ORMDL1: variants seen among roughly 807,000 people sequenced by gnomAD.
ORMDL1 encodes ORMDL sphingolipid biosynthesis regulator 1, also known as ORM1-like protein 1.
Under a neutral mutation model 13.0 loss-of-function variants are expected in ORMDL1, and 10 were observed. The ratio of observed to expected loss-of-function variants is 0.77; its 90% CI spans 0.47 to 1.30. The LOEUF is 1.30. Ranked by LOEUF, ORMDL1 falls within the 50% of genes most tolerant of loss-of-function variation. The pLI is 0.00. For synonymous variants in ORMDL1, 61 were observed against 63.9 expected (o/e 0.95, Z 0.22); for missense variants, 171 against 186.7 (o/e 0.92, Z 0.49).
At chr2:189,763,973 A>C in the ORMDL1 span, 1 of 152,238 alleles carries the variant, frequency 6.6e-6, no homozygotes, top group African/African-American at 2.4e-5. Context: ...AATTTCTTTC[A>C]AAATCCCATG....
At chr2:189,782,697 T>C in intron 2 of ORMDL1, 95 bp from the exon 3 acceptor site, 2 of 1,182,846 alleles carry the variant, frequency 1.7e-6, no homozygotes, top group Non-Finnish European at 2.4e-6. Flanking sequence ...GCGAGGATTA[T>C]TTTTTCCTAG....
chr2:189,780,957 A>T (rs1262468224), intron 3 of ORMDL1, among the ~76,000 whole-genome samples: 10 of 152,234 alleles, frequency 6.6e-5, no homozygotes, highest in Admixed American at 6.5e-4. Flanking sequence ...ACTGTCACCC[A>T]GGCTGGAGTG....
downstream of ORMDL1, among the ~76,000 whole-genome samples, chr2:189,768,337 A>G (rs1221206213): frequency 1.3e-5 from 2 of 152,196 alleles, no homozygotes; most frequent in Non-Finnish European, 2.9e-5. Flanking sequence ...ATCCTGTTAG[A>G]AAGACTATTA....
intron 3 of ORMDL1, among the ~76,000 whole-genome samples, chr2:189,777,191 TC>T (rs1251862454): frequency 1.3e-5 from 2 of 152,254 alleles, no homozygotes; most frequent in South Asian, 2.1e-4. Flanking sequence ...ATGTTTGTTT[TC>T]CCATTAGCCT....
chr2:189,776,568 C>T (rs572361513), intron 3 of ORMDL1, among the ~76,000 whole-genome samples: 31 of 152,108 alleles, frequency 2.0e-4, no homozygotes, highest in African/African-American at 6.3e-4. Context: ...TCCTTCTAGA[C>T]GCCACAATGT....
chr2:189,781,661 C>T (rs2047837106), intron 3 of ORMDL1, among the ~76,000 whole-genome samples: 1 of 151,162 alleles, frequency 6.6e-6, no homozygotes. Context: ...TTTCTAGATT[C>T]TATACAATGA....
downstream of ORMDL1, among the ~76,000 whole-genome samples, chr2:189,766,242 TGAAC>T (rs748428801): frequency 2.6e-5 from 4 of 152,246 alleles, no homozygotes; most frequent in Non-Finnish European, 4.4e-5. Context: ...TTTTGTTTGC[TGAAC>T]CATTATGCTT....
rs920204821 is a variant in ORMDL1, at chr2:189,770,571, C to T, written c.*1196G>A. The stretch of plus-strand genomic sequence containing the variant: ...GTTACTGAATTTTTAAATTTTGTCC[C>T]ATATCTGAACTTTGTTTTTTTTGAC... On this transcript the variant is annotated 3_prime_UTR_variant, in exon 5 of 5. Coordinates refer to ENST00000392349, the MANE Select transcript of ORMDL1 (RefSeq NM_016467.5). 1.3e-5 allele frequency: 2 copies of T among 152,110 alleles called. No individual in the cohort carries two copies. Among genetic ancestry groups the T allele is most frequent in the African/African-American group, 4.8e-5 (2 of 41,426 alleles). 9.4% of individuals were successfully genotyped at this position (152,110 alleles called of 1,614,324 possible). A position where few individuals can be genotyped will look rare whatever the true frequency, so the allele number is the denominator to read the frequency against.
intron 4 of ORMDL1, among the ~76,000 whole-genome samples, chr2:189,774,516 G>A (rs1025424702): frequency 2.6e-5 from 4 of 152,076 alleles, no homozygotes; most frequent in Admixed American, 6.6e-5. Context: ...ACACCTCCAA[G>A]AAGTCTTTTG....
chr2:189,764,555 T>C, the ORMDL1 span: 3 of 152,216 alleles, frequency 2.0e-5, no homozygotes, highest in Non-Finnish European at 2.9e-5. Context: ...AGCAAAGATA[T>C]ACATTTTTTA....
chr2:189,777,265 TAGAA>T (rs2047720006), intron 3 of ORMDL1, among the ~76,000 whole-genome samples: 1 of 152,192 alleles, frequency 6.6e-6, no homozygotes, highest in South Asian at 2.1e-4. Context: ...CTTCCAACAT[TAGAA>T]ATGTTGGAAG....
At chr2:189,774,342 TATATGGGACTAAATCAATTCAAAATTTCC>T (rs1407473216) in intron 4 of ORMDL1, among the ~76,000 whole-genome samples, 1 of 152,180 alleles carries the variant, frequency 6.6e-6, no homozygotes, top group East Asian at 1.9e-4. Context: ...AGGTTAATAT[TATATGGGACTAAATCAATTCAAAATTTCC>T]TCAAAGGGCT....
Position 189,782,349 on chromosome 2 carries a change from C to T in ORMDL1, c.174+73G>A, listed in dbSNP as rs533459178. 392 of 1,364,362 alleles carry T rather than the reference C, an allele frequency of 2.9e-4. 4 individuals carry two copies. The South Asian group carries it at 5.1e-3, about 18-fold the overall frequency. 84.5% of individuals were successfully genotyped at this position (1,364,362 alleles called of 1,614,324 possible). A position where few individuals can be genotyped will look rare whatever the true frequency, so the allele number is the denominator to read the frequency against. On this transcript the variant is annotated intron_variant, in intron 3 of 4. Transcript: ENST00000392349. ...CCCATTAAGCAATAACTTTCCATTC[C>T]TTCCTCCCCTTAATTTCCGGCAACC...
At chr2:189,764,610 T>C in the ORMDL1 span, among the ~76,000 whole-genome samples, 1 of 152,312 alleles carries the variant, frequency 6.6e-6, no homozygotes, top group East Asian at 1.9e-4. Context: ...GGGAAAGGCA[T>C]GTATGCTCTC....
chr2:189,775,966 C>T (rs545665216), intron 3 of ORMDL1, among the ~76,000 whole-genome samples: 3 of 152,154 alleles, frequency 2.0e-5, no homozygotes, highest in Non-Finnish European at 2.9e-5. Context: ...CATTTCTATT[C>T]GTTAAACTAA....
Position 189,771,710 on chromosome 2 carries a change from C to T in ORMDL1, c.*57G>A, listed in dbSNP as rs539543944. On this transcript the variant is annotated 3_prime_UTR_variant, in exon 5 of 5. Transcript: ENST00000392349. The stretch of plus-strand genomic sequence containing the variant: ...CAGAAACAGTGCAGTTTACTAACCA[C>T]TCCTTCCTTATAAGAAATTCAGTAG... The T allele has an allele frequency of 3.0e-5, 43 of 1,456,440 alleles. No homozygotes were observed. The highest frequency in any genetic ancestry group is 1.5e-4 in the Admixed American group (7 of 47,632). 90.2% of individuals were successfully genotyped at this position (1,456,440 alleles called of 1,614,324 possible).
chr2:189,764,392 G>A, the ORMDL1 span: 7 of 152,290 alleles, frequency 4.6e-5, no homozygotes, highest in South Asian at 1.4e-3. Flanking sequence ...GCTATCATTG[G>A]TAGATTCCTC....
chr2:189,776,890 AGAT>A (rs2047709759), intron 3 of ORMDL1, among the ~76,000 whole-genome samples: 2 of 151,044 alleles, frequency 1.3e-5, no homozygotes, highest in Middle Eastern at 3.4e-3. Context: ...ATCCTCCAAG[AGAT>A]GATAAGGAAA....
At chr2:189,783,936 C>G (rs2047992906) in intron 1 of ORMDL1, 1 of 152,288 alleles carries the variant, frequency 6.6e-6, no homozygotes, top group Non-Finnish European at 1.5e-5. Flanking sequence ...CGACCCGCAG[C>G]GGCCCCTCAG....
Sources: gnomAD v4.1 joint callset for allele counts (sites outside exome capture counted in the v4.1 genomes callset) on GRCh38, gnomAD v4.1.1 for gene constraint, MANE v1.5 for transcripts, NCBI Gene and HGNC (gene_info 2026-07-23, HGNC 2026-07-21) for gene names.